The following TIE1 variants were observed in gnomAD, a reference collection of about 807,000 sequenced individuals.
TIE1 encodes tyrosine kinase with immunoglobulin like and EGF like domains 1, also known as tyrosine-protein kinase receptor Tie-1.
Under a neutral mutation model 130.5 loss-of-function variants are expected in TIE1, and 89 were observed. The observed-to-expected ratio is 0.68, with a 90% CI of 0.57 to 0.81. TIE1 has a LOEUF of 0.81. TIE1 is among the 40% of genes least tolerant of loss of function. The pLI, the probability that TIE1 is intolerant of heterozygous loss-of-function variation, is 0.00. For missense variants in TIE1, 1,392 were observed against 1,559.8 expected, an observed-to-expected ratio of 0.89 and a Z score of 1.81; for synonymous variants, 568 against 629.4, an observed-to-expected ratio of 0.90 and a Z score of 1.46.
chr1:43,319,289 T>C lies in TIE1; in HGVS notation c.2977T>C (p.Ser993Pro), dbSNP rs1234977532. The change falls in exon 18 of 23, where the codon TCC (serine) becomes CCC (proline). Residue 993 changes from serine (S) to proline (P), a missense_variant. By Grantham distance (74) the Ser-to-Pro change is moderately conservative. Coordinates refer to ENST00000372476, the MANE Select transcript of TIE1 (RefSeq NM_005424.5). This position sits in a 1 kb window ranked among gnomAD's most constrained non-coding sequence, Gnocchi z 4.7. ...TGTGCTGGTCGGAGAGAACCTAGCC[T>C]CCAAGATTGCAGACTTCGGCCTTTC... is the stretch of plus-strand genomic sequence containing the variant. ...RNVLVGENLA[S>P]KIADFGLSRG... 1 of 1,613,722 alleles carries C rather than the reference T, an allele frequency of 6.2e-7. No homozygotes were observed. The highest frequency in any genetic ancestry group is 1.3e-5 in the African/African-American group (1 of 74,812).
intron 9 of TIE1, among the ~76,000 whole-genome samples, chr1:43,310,317 C>T (rs905034204): frequency 6.6e-6 from 1 of 152,190 alleles, no homozygotes; most frequent in Admixed American, 6.5e-5. Context: ...ACAACCTGGG[C>T]TTGAATCCTC....
intron 1 of TIE1, among the ~76,000 whole-genome samples, chr1:43,302,725 G>C (rs527726142): frequency 6.6e-6 from 1 of 152,132 alleles, no homozygotes; most frequent in Non-Finnish European, 1.5e-5. Context: ...AGCCATGGGA[G>C]GTCACAGGCA....
Position 43,317,715 on chromosome 1 carries a change from C to T in TIE1, c.2731+41C>T. 2 of 1,520,422 alleles carry T rather than the reference C, an allele frequency of 1.3e-6. No individual in the cohort carries two copies. The highest frequency in any genetic ancestry group is 9.0e-7 in the Non-Finnish European group (1 of 1,117,056). 94.2% of individuals were successfully genotyped at this position (1,520,422 alleles called of 1,614,324 possible). A position where few individuals can be genotyped will look rare whatever the true frequency, so the allele number is the denominator to read the frequency against. ...ATCACCTACCCCTTCTTCCAAACCC[C>T]CATCCTCAGCCATCACCTCCACCAC... On this transcript the variant is annotated intron_variant, in intron 16 of 22. Coordinates refer to ENST00000372476, the MANE Select transcript of TIE1 (RefSeq NM_005424.5). This position sits in a 1 kb window ranked among gnomAD's most constrained non-coding sequence, Gnocchi z 5.1.
Position 43,319,626 on chromosome 1 carries a change from G to A in TIE1, c.3107+97G>A. ...TCAGAAATGTCATAGGTGGTCTAAG[G>A]CATGACCTGGGCTGTGTTCCAGGTG... On this transcript the variant is annotated intron_variant, in intron 19 of 22. Transcript: ENST00000372476. This position sits in a 1 kb window ranked among gnomAD's most constrained non-coding sequence, Gnocchi z 4.7. The A allele has an allele frequency of 7.8e-7, 1 of 1,281,710 alleles. No homozygotes were observed. The highest frequency in any genetic ancestry group is 1.1e-6 in the Non-Finnish European group (1 of 881,982). The allele number at this position is 1,281,710 out of a possible 1,614,324, so 79.4% of individuals were successfully genotyped here.
In TIE1 at chr1:43,313,008, A is replaced by G; in HGVS notation, c.1928-127A>G. The G allele has an allele frequency of 9.1e-7, 1 of 1,096,994 alleles. No individual in the cohort carries two copies. Among genetic ancestry groups the G allele is most frequent in the Non-Finnish European group, 1.3e-6 (1 of 767,056 alleles). The allele number at this position is 1,096,994 out of a possible 1,614,324, so 68.0% of individuals were successfully genotyped here. ...GAATTCAGTCTGGTGGGGAGGAGGA[A>G]GTTGGCAGGGTGGCCCCTGTGCTTG... On this transcript the variant is annotated intron_variant, in intron 12 of 22. Coordinates refer to ENST00000372476, the MANE Select transcript of TIE1 (RefSeq NM_005424.5). The surrounding 1 kb of genome is among the most constrained non-coding windows in gnomAD (Gnocchi z 6.2).
chr1:43,311,362 C>T (rs1646788466), intron 9 of TIE1, among the ~76,000 whole-genome samples: 1 of 151,874 alleles, frequency 6.6e-6, no homozygotes, highest in South Asian at 2.1e-4. Flanking sequence ...CAGGTAGTCT[C>T]CCTGACCTGG....
In TIE1 at chr1:43,305,013, C is replaced by T. The variant is rs1174165031; in HGVS notation, c.221C>T (p.Pro74Leu). 3.9e-6 allele frequency: 6 copies of T among 1,554,570 alleles called. No homozygotes were observed. The African/African-American group carries it at 6.8e-5, about 18-fold the overall frequency. ...GACGACCGTATCGTGCGCACCCCGC[C>T]CGGGCCACCCCTGCGCCTGGCGCGC... The part of the protein sequence containing the change: ...EKDDRIVRTP[P>L]GPPLRLARNG... Residue 74 changes from proline (P) to leucine (L), a missense_variant, in exon 2 of 23, where the codon CCC (proline) becomes CTC (leucine). Physicochemically the swap from Pro to Leu is moderately conservative, Grantham distance 98 (BLOSUM62 -3). Around this residue, in one of 6 missense-constraint regions of TIE1, gnomAD observed 415 missense variants for 424.8 expected, o/e 0.98. Transcript: ENST00000372476.
chr1:43,309,909 G>A lies in TIE1; in HGVS notation c.1333+377G>A, dbSNP rs1646771605. ...CACAGACACTCAGTGCTAGCCCAGG[G>A]GAGCATATGGGGCTATGGAGCTCAG... On this transcript the variant is annotated intron_variant, in intron 9 of 22. Coordinates refer to ENST00000372476, the MANE Select transcript of TIE1 (RefSeq NM_005424.5). This position sits in a 1 kb window ranked among gnomAD's most constrained non-coding sequence, Gnocchi z 6.3. 6.6e-6 allele frequency among the ~76,000 whole-genome samples: 1 copy of A among 152,098 alleles called. No homozygotes were observed. The highest frequency in any genetic ancestry group is 2.1e-4 in the South Asian group (1 of 4,824).
At position 43,312,223 on chromosome 1, in the gene TIE1, C is replaced by T; in HGVS notation, c.1631-82C>T. 6.6e-7 allele frequency: 1 copy of T among 1,512,890 alleles called. No homozygotes were observed. Among genetic ancestry groups the T allele is most frequent in the Non-Finnish European group, 8.8e-7 (1 of 1,130,432 alleles). The allele number at this position is 1,512,890 out of a possible 1,614,324, so 93.7% of individuals were successfully genotyped here. A position where few individuals can be genotyped will look rare whatever the true frequency, so the allele number is the denominator to read the frequency against. ...CCTGCCTTTCCCACTGGAGGTTGTTCTTCCTTGTTCACTGGGGATCATTGT... is the reference window on the plus strand; with the variant it reads ...CCTGCCTTTCCCACTGGAGGTTGTTTTTCCTTGTTCACTGGGGATCATTGT... On this transcript the variant is annotated intron_variant, in intron 11 of 22. Transcript: ENST00000372476. The surrounding 1 kb of genome is among the most constrained non-coding windows in gnomAD (Gnocchi z 5.6).
At chr1:43,305,452 T>C (rs1199218620) in intron 3 of TIE1, 109 bp downstream of exon 3, 3 of 990,022 alleles carry the variant, frequency 3.0e-6, no homozygotes, top group African/African-American at 1.6e-5. Context: ...ACACCCGACC[T>C]CCAGGGCCTC....
In TIE1 at chr1:43,319,675, A is replaced by G. The variant is rs1312418829; in HGVS notation, c.3107+146A>G. On this transcript the variant is annotated intron_variant, in intron 19 of 22. Coordinates refer to ENST00000372476, the MANE Select transcript of TIE1 (RefSeq NM_005424.5). This position sits in a 1 kb window ranked among gnomAD's most constrained non-coding sequence, Gnocchi z 4.7. ...TGTGACACAGGTGTGTCTTGGGTAT[A>G]AAGTACCTAGCCAAGGTGGGGCTTG... 5 of 797,568 alleles carry G rather than the reference A, an allele frequency of 6.3e-6. No individual in the cohort carries two copies. The highest frequency in any genetic ancestry group is 1.0e-5 in the Non-Finnish European group (5 of 477,228). 49.4% of individuals were successfully genotyped at this position (797,568 alleles called of 1,614,324 possible). A position where few individuals can be genotyped will look rare whatever the true frequency, so the allele number is the denominator to read the frequency against.
At position 43,317,473 on chromosome 1, in the gene TIE1, C is replaced by T; in HGVS notation, c.2620+64C>T. 1 of 1,608,636 alleles carries T rather than the reference C, an allele frequency of 6.2e-7. No individual in the cohort carries two copies. The highest frequency in any genetic ancestry group is 1.7e-5 in the Admixed American group (1 of 60,016). ...CCTTTGTCCCACAAATCCCAGGCCCCACCTGGCTTCCTCCAGCAATTGACC... is the reference window on the plus strand; with the variant it reads ...CCTTTGTCCCACAAATCCCAGGCCCTACCTGGCTTCCTCCAGCAATTGACC... On this transcript the variant is annotated intron_variant, in intron 15 of 22. Transcript: ENST00000372476. The surrounding 1 kb of genome is among the most constrained non-coding windows in gnomAD (Gnocchi z 5.1).
intron 7 of TIE1, 132 bp downstream of exon 7, chr1:43,308,056 C>G (rs1164568999): frequency 5.9e-6 from 8 of 1,353,046 alleles, no homozygotes; most frequent in Non-Finnish European, 8.0e-6. Context: ...AGCTTAGAGT[C>G]TGATGGACAG....
rs964819909 is a variant in TIE1, at chr1:43,322,571, C to T, written c.3346-80C>T. The T allele has an allele frequency of 3.8e-6, 4 of 1,047,592 alleles. No individual in the cohort carries two copies. Among genetic ancestry groups the T allele is most frequent in the African/African-American group, 1.6e-5 (1 of 64,098 alleles). The allele number at this position is 1,047,592 out of a possible 1,614,324, so 64.9% of individuals were successfully genotyped here. A position where few individuals can be genotyped will look rare whatever the true frequency, so the allele number is the denominator to read the frequency against. ...ACAAATCAGTGTCAGTTCAAATGCC[C>T]CCACCACATGGAAGTCCAGGAGCTT... is the stretch of plus-strand genomic sequence containing the variant. On this transcript the variant is annotated intron_variant, in intron 22 of 22. Transcript: ENST00000372476. The surrounding 1 kb of genome is among the most constrained non-coding windows in gnomAD (Gnocchi z 4.0).
Position 43,317,893 on chromosome 1 carries a change from A to G in TIE1, c.2743A>G (p.Ile915Val). The change falls in exon 17 of 23, where the codon ATC (isoleucine) becomes GTC (valine). Residue 915 changes from isoleucine to valine, a missense_variant. Around this residue, in one of 6 missense-constraint regions of TIE1, gnomAD observed 286 missense variants for 354.4 expected, o/e 0.81. Transcript: ENST00000372476. The surrounding 1 kb of genome is among the most constrained non-coding windows in gnomAD (Gnocchi z 5.1). ...GACKNRGYLY[I>V]AIEYAPYGNL... The stretch of plus-strand genomic sequence containing the variant: ...TCTTTGCCTCTCAGGTTACTTGTAT[A>G]TCGCTATTGAATATGCCCCCTACGG... 1.2e-6 allele frequency: 2 copies of G among 1,614,074 alleles called. No individual in the cohort carries two copies. The highest frequency in any genetic ancestry group is 1.7e-6 in the Non-Finnish European group (2 of 1,179,966).
chr1:43,312,444 G>C lies in TIE1; in HGVS notation c.1770G>C (p.Gly590=). Residue 590 remains glycine, a synonymous_variant, in exon 12 of 23, where the codon GGG becomes GGC. Coordinates refer to ENST00000372476, the MANE Select transcript of TIE1 (RefSeq NM_005424.5). This position sits in a 1 kb window ranked among gnomAD's most constrained non-coding sequence, Gnocchi z 5.6. The part of the protein sequence containing the change: ...FLLRLWDGTR[G]QERRENVSSP... ...TGCGCCTGTGGGACGGGACACGGGGGCAGGAGCGGCGGGAGAACGTCTCAT... is the reference window on the plus strand; with the variant it reads ...TGCGCCTGTGGGACGGGACACGGGGCCAGGAGCGGCGGGAGAACGTCTCAT... The C allele has an allele frequency of 6.2e-7, 1 of 1,612,070 alleles. No homozygotes were observed. Among genetic ancestry groups the C allele is most frequent in the Non-Finnish European group, 8.5e-7 (1 of 1,179,622 alleles).
At position 43,312,592 on chromosome 1, in the gene TIE1, C is replaced by T. The variant is rs143037217; in HGVS notation, c.1918C>T (p.Pro640Ser). 3.4e-5 allele frequency: 55 copies of T among 1,603,510 alleles called. No homozygotes were observed. Among genetic ancestry groups the T allele is most frequent in the Non-Finnish European group, 4.3e-5 (51 of 1,174,762 alleles). The part of the protein sequence containing the change: ...PASPPAHVLL[P>S]PSGPPAPRHL... ...CTCGCCCCCTGCACACGTGCTTCTG[C>T]CCCCCAGTGGTATGTGCAAGGCGCA... Residue 640 changes from proline (P) to serine (S), a missense_variant, in exon 12 of 23, where the codon CCC (proline) becomes TCC (serine). Transcript: ENST00000372476. The surrounding 1 kb of genome is among the most constrained non-coding windows in gnomAD (Gnocchi z 5.6).
At position 43,309,118 on chromosome 1, in the gene TIE1, G is replaced by A; in HGVS notation, c.1175G>A (p.Gly392Asp). The change falls in exon 8 of 23, where the codon GGC becomes GAC. Residue 392 changes from glycine (G) to aspartate (D), a missense_variant. Gly to Asp is a moderately conservative substitution (Grantham distance 94). Around this residue, in one of 6 missense-constraint regions of TIE1, gnomAD observed 551 missense variants for 565.5 expected, o/e 0.97. Coordinates refer to ENST00000372476, the MANE Select transcript of TIE1 (RefSeq NM_005424.5). The surrounding 1 kb of genome is among the most constrained non-coding windows in gnomAD (Gnocchi z 6.3). ...AGCATAGAGCTACGCAAGCCAGACG[G>A]CACTGTGCTCCTGGTCAGCCCCCAA... Reference protein sequence around the residue: ...RGSIELRKPDGTVLLSTKAIV... With the variant: ...RGSIELRKPDDTVLLSTKAIV... 1 of 1,599,322 alleles carries A rather than the reference G, an allele frequency of 6.3e-7. No individual in the cohort carries two copies. The highest frequency in any genetic ancestry group is 8.5e-7 in the Non-Finnish European group (1 of 1,170,092).
At position 43,317,082 on chromosome 1, in the gene TIE1, T is replaced by C; in HGVS notation, c.2410-117T>C. ...TGGCTGACCACCAGGGTGCCCTCCA[T>C]CTGGGTCTCTGCCCACTTGTCTGAC... is the stretch of plus-strand genomic sequence containing the variant. On this transcript the variant is annotated intron_variant, in intron 14 of 22. Coordinates refer to ENST00000372476, the MANE Select transcript of TIE1 (RefSeq NM_005424.5). The surrounding 1 kb of genome is among the most constrained non-coding windows in gnomAD (Gnocchi z 5.1). 9.5e-7 allele frequency: 1 copy of C among 1,054,672 alleles called. No homozygotes were observed. The highest frequency in any genetic ancestry group is 1.5e-6 in the Non-Finnish European group (1 of 689,102). 65.3% of individuals were successfully genotyped at this position (1,054,672 alleles called of 1,614,324 possible).
Sources: allele counts gnomAD v4.1 joint callset (sites outside exome capture counted in the v4.1 genomes callset), GRCh38; gene constraint gnomAD v4.1.1; regional missense constraint gnomAD v4.1.1; non-coding constraint Gnocchi (gnomAD v3.1); transcripts MANE v1.5; gene names NCBI Gene and HGNC (gene_info 2026-07-23, HGNC 2026-07-21).